SHB: variants seen among roughly 807,000 people sequenced by gnomAD.
The protein encoded by SHB is SH2 domain containing adaptor protein B, also known as SH2 domain-containing adapter protein B.
In SHB, 20 loss-of-function variants were observed where a neutral mutation model predicts 52.3. The ratio of observed to expected loss-of-function variants is 0.38; its 90% CI spans 0.27 to 0.56. SHB has a LOEUF of 0.56. SHB is among the 20% of genes least tolerant of loss of function. The probability of loss-of-function intolerance (pLI) is 0.71; values close to 1 mark genes in which losing one functional copy is unlikely to be tolerated. For synonymous variants in SHB, 397 were observed against 316.5 expected (o/e 1.25, Z -2.70); for missense variants, 825 against 723.3 (o/e 1.14, Z -1.61).
chr9:38,052,556 T>C (rs917952483), intron 1 of SHB, among the ~76,000 whole-genome samples: 3 of 152,202 alleles, frequency 2.0e-5, no homozygotes, highest in Non-Finnish European at 4.4e-5. Flanking sequence ...AGCAGTCAGT[T>C]GCAGTATTTG....
intron 2 of SHB, among the ~76,000 whole-genome samples, chr9:38,002,259 A>G (rs12380890): frequency 0.56 from 84,919 of 152,148 alleles, 23,845 homozygotes; most frequent in Middle Eastern, 0.63. Context: ...TGAAGGCCAC[A>G]GTCTTGGAAG....
chr9:38,051,524 G>A (rs957096562), intron 1 of SHB, among the ~76,000 whole-genome samples: 3 of 151,820 alleles, frequency 2.0e-5, no homozygotes, highest in African/African-American at 7.3e-5. Context: ...CGGGTTGAGT[G>A]TCTGCACTTT....
chr9:38,003,206 C>T (rs1001355336), intron 2 of SHB, among the ~76,000 whole-genome samples: 11 of 151,974 alleles, frequency 7.2e-5, no homozygotes, highest in Admixed American at 2.6e-4. Flanking sequence ...CAGGGATGGG[C>T]GAGCCAAAGG....
chr9:37,985,668 T>C (rs1820797055), intron 2 of SHB, among the ~76,000 whole-genome samples: 1 of 152,226 alleles, frequency 6.6e-6, no homozygotes, highest in Non-Finnish European at 1.5e-5. Context: ...TCCAACTTCA[T>C]AGGCAAGTGG....
intron 2 of SHB, among the ~76,000 whole-genome samples, chr9:37,991,214 G>A (rs1422664460): frequency 6.6e-6 from 1 of 152,198 alleles, no homozygotes; most frequent in Non-Finnish European, 1.5e-5. Context: ...CCCTAGGACA[G>A]ATGGGGAAAC....
chr9:37,956,354 C>G (rs7043965), intron 3 of SHB, among the ~76,000 whole-genome samples: 87,792 of 151,562 alleles, frequency 0.58, 25,665 homozygotes, highest in East Asian at 0.82. Context: ...GCACTGCCTT[C>G]GGGGGGCACT....
At chr9:38,034,037 T>G (rs1469900056) in intron 1 of SHB, among the ~76,000 whole-genome samples, 1 of 152,190 alleles carries the variant, frequency 6.6e-6, no homozygotes, top group Non-Finnish European at 1.5e-5. Context: ...TTAAAAATAT[T>G]AACCTCATTC....
intron 1 of SHB, among the ~76,000 whole-genome samples, chr9:38,020,071 A>G (rs1240914841): frequency 2.0e-5 from 3 of 152,128 alleles, no homozygotes; most frequent in African/African-American, 7.2e-5. Flanking sequence ...GGAGATGCAC[A>G]CTCCAAACTG....
intron 1 of SHB, among the ~76,000 whole-genome samples, chr9:38,067,348 T>TC (rs565890507): frequency 1.3e-3 from 196 of 151,940 alleles, no homozygotes; most frequent in African/African-American, 4.6e-3. Flanking sequence ...GCGTGGAGGT[T>TC]CCCGGAGCAG....
At chr9:37,993,841 G>T (rs1047934680) in intron 2 of SHB, among the ~76,000 whole-genome samples, 1 of 152,188 alleles carries the variant, frequency 6.6e-6, no homozygotes, top group African/African-American at 2.4e-5. Flanking sequence ...TAAATAGGAA[G>T]CTGACGATAC....
chr9:37,961,366 C>T (rs1832690351), intron 3 of SHB, among the ~76,000 whole-genome samples: 1 of 152,072 alleles, frequency 6.6e-6, no homozygotes, highest in Non-Finnish European at 1.5e-5. Flanking sequence ...GGATCTCTTT[C>T]CACTGTCCTG....
chr9:38,025,959 A>G lies in SHB; in HGVS notation c.718-9828T>C, dbSNP rs140006739. Among the ~76,000 whole-genome samples, 24 of 152,330 alleles carry G rather than the reference A, an allele frequency of 1.6e-4. 1 individual carries two copies. In the East Asian group the frequency reaches 4.2e-3, roughly 27 times the overall value. On this transcript the variant is annotated intron_variant, in intron 1 of 5. Transcript: ENST00000377707. The stretch of plus-strand genomic sequence containing the variant: ...GGACCTATGTCATCTGTTGAACTAC[A>G]TATTTACAGAGTGCCTCCCAAACTG...
intron 2 of SHB, among the ~76,000 whole-genome samples, chr9:37,983,209 G>A (rs1820759942): frequency 6.6e-6 from 1 of 152,220 alleles, no homozygotes; most frequent in South Asian, 2.1e-4. Context: ...GGTTTCCATT[G>A]GGGGAACCTG....
intron 1 of SHB, among the ~76,000 whole-genome samples, chr9:38,025,875 A>T (rs1188125206): frequency 6.6e-6 from 1 of 152,356 alleles, no homozygotes; most frequent in Admixed American, 6.5e-5. Context: ...CAAATGACAC[A>T]GCAGAACACT....
intron 2 of SHB, among the ~76,000 whole-genome samples, chr9:38,009,409 C>T (rs7036516): frequency 0.44 from 67,542 of 152,106 alleles, 15,149 homozygotes; most frequent in Middle Eastern, 0.51. Context: ...TATGAAGTCA[C>T]TCCAGACCCA....
chr9:38,014,389 CTGGT>C (rs1334944679), intron 2 of SHB, among the ~76,000 whole-genome samples: 1 of 152,258 alleles, frequency 6.6e-6, no homozygotes, highest in Non-Finnish European at 1.5e-5. Context: ...TTCCACAGAG[CTGGT>C]GTCTCACCAA....
rs558332495 is a variant in SHB, at chr9:37,959,603, G to A, written c.1055-3549C>T. On this transcript the variant is annotated intron_variant, in intron 3 of 5. Transcript: ENST00000377707. ...TATAAATCTCTACAATCGACATCCC[G>A]ACACAGAAGGTGAGCAGAGAGGCAT... is the stretch of plus-strand genomic sequence containing the variant. 3.9e-5 allele frequency among the ~76,000 whole-genome samples: 6 copies of A among 152,272 alleles called. No individual in the cohort carries two copies. The South Asian group carries it at 6.2e-4, about 16-fold the overall frequency.
At chr9:37,954,748 G>T (rs564490385) in intron 4 of SHB, among the ~76,000 whole-genome samples, 22 of 152,316 alleles carry the variant, frequency 1.4e-4, no homozygotes, top group Non-Finnish European at 2.6e-4. Context: ...AACATAGTTT[G>T]CAGACAATTC....
chr9:38,029,929 G>A (rs1821392357), intron 1 of SHB, among the ~76,000 whole-genome samples: 1 of 152,216 alleles, frequency 6.6e-6, no homozygotes, highest in African/African-American at 2.4e-5. Flanking sequence ...ATGTACACGT[G>A]CATGCGTGTA....
Sources: allele counts gnomAD v4.1 joint callset (sites outside exome capture counted in the v4.1 genomes callset), GRCh38; gene constraint gnomAD v4.1.1; transcripts MANE v1.5; gene names NCBI Gene and HGNC (gene_info 2026-07-23, HGNC 2026-07-21).